Variants in CCSER1 observed in about 807,000 individuals in gnomAD.
CCSER1 encodes the protein serine-rich coiled-coil domain-containing protein 1.
In CCSER1, 41 loss-of-function variants were observed where a neutral mutation model predicts 82.0. That is an observed-to-expected ratio of 0.50 (90% confidence interval 0.39 to 0.65). The LOEUF is 0.65. Among genes scored for constraint, CCSER1 ranks in the 30% least tolerant of loss-of-function variants. CCSER1 has a pLI of 0.00. For missense variants in CCSER1, 1,119 were observed against 1,064.2 expected, an observed-to-expected ratio of 1.05 and a Z score of -0.72; for synonymous variants, 414 against 383.9, an observed-to-expected ratio of 1.08 and a Z score of -0.92.
chr4:90,191,429 A>T (rs571933431), intron 1 of CCSER1, among the ~76,000 whole-genome samples: 1 of 152,106 alleles, frequency 6.6e-6, no homozygotes, highest in East Asian at 1.9e-4. Flanking sequence ...GTTGGTCAAG[A>T]TCATGTAATT....
At chr4:90,735,851 A>G (rs970451176) in intron 7 of CCSER1, among the ~76,000 whole-genome samples, 2 of 152,036 alleles carry the variant, frequency 1.3e-5, no homozygotes, top group African/African-American at 4.8e-5. Context: ...ATAACTATAA[A>G]TTTCCCTCTT....
chr4:90,645,522 C>A (rs1025063508), intron 6 of CCSER1, among the ~76,000 whole-genome samples: 9 of 152,222 alleles, frequency 5.9e-5, no homozygotes, highest in Non-Finnish European at 1.0e-4. Context: ...CAACTTAAAA[C>A]ATTATTTTAA....
At chr4:90,137,417 G>T (rs1382574269) in intron 1 of CCSER1, among the ~76,000 whole-genome samples, 1 of 152,086 alleles carries the variant, frequency 6.6e-6, no homozygotes, top group Non-Finnish European at 1.5e-5. Context: ...TGATTATCGG[G>T]ACAATATAGT....
chr4:91,439,998 TC>T (rs1374216687), intron 10 of CCSER1, among the ~76,000 whole-genome samples: 1 of 151,566 alleles, frequency 6.6e-6, no homozygotes, highest in Non-Finnish European at 1.5e-5. Flanking sequence ...AGACTTAGAC[TC>T]CCACGCAATA....
intron 10 of CCSER1, among the ~76,000 whole-genome samples, chr4:91,151,959 G>GGATGGA (rs1180349122): frequency 6.6e-6 from 1 of 152,172 alleles, no homozygotes; most frequent in African/African-American, 2.4e-5. Context: ...TGTTGATTTG[G>GGATGGA]GATGGAGAGT....
chr4:91,211,190 C>T (rs978451442), intron 10 of CCSER1, among the ~76,000 whole-genome samples: 1 of 151,996 alleles, frequency 6.6e-6, no homozygotes. Context: ...AACCAAGAGA[C>T]AAATTGAGAT....
intron 10 of CCSER1, among the ~76,000 whole-genome samples, chr4:91,573,399 G>T (rs1456249347): frequency 2.0e-5 from 3 of 152,216 alleles, no homozygotes; most frequent in African/African-American, 7.2e-5. Flanking sequence ...TATACACAGG[G>T]GTGTAACCTC....
intron 10 of CCSER1, among the ~76,000 whole-genome samples, chr4:91,245,047 G>C (rs1160377043): frequency 1.3e-5 from 2 of 151,912 alleles, no homozygotes; most frequent in Non-Finnish European, 2.9e-5. Context: ...GCAGAAGAAA[G>C]AATTCGTGAG....
At chr4:90,528,899 C>T (rs1257179808) in intron 5 of CCSER1, among the ~76,000 whole-genome samples, 1 of 152,152 alleles carries the variant, frequency 6.6e-6, no homozygotes, top group Admixed American at 6.5e-5. Flanking sequence ...CCTTATCTCA[C>T]TGGTTAATGG....
chr4:90,234,962 C>T (rs1272341174), intron 1 of CCSER1: 3 of 152,132 alleles, frequency 2.0e-5, no homozygotes, highest in East Asian at 1.9e-4. Flanking sequence ...CACTGGGAGA[C>T]GAAAGTGCTG....
At chr4:90,460,228 G>A (rs1482594800) in intron 4 of CCSER1, among the ~76,000 whole-genome samples, 1 of 144,444 alleles carries the variant, frequency 6.9e-6, no homozygotes, top group Non-Finnish European at 1.5e-5. Context: ...AGGAGGCTGA[G>A]GCAGGAGAAT....
chr4:91,360,040 G>A lies in CCSER1; in HGVS notation c.2218-238532G>A, dbSNP rs375259602. On this transcript the variant is annotated intron_variant, in intron 10 of 10. Transcript: ENST00000509176. Reference sequence around the variant, plus strand: ...AAAGCTGAGATTCAAACTCAGTTGCGTCTCATCCCACAATCCAAGCTATTT... The same window carrying A: ...AAAGCTGAGATTCAAACTCAGTTGCATCTCATCCCACAATCCAAGCTATTT... Among the ~76,000 whole-genome samples the A allele has an allele frequency of 1.9e-3, 285 of 151,902 alleles. 3 individuals are homozygous for A. The highest frequency in any genetic ancestry group is 5.2e-3 in the African/African-American group (216 of 41,480).
chr4:91,041,111 TGTA>T (rs1741920775), intron 9 of CCSER1, among the ~76,000 whole-genome samples: 1 of 152,172 alleles, frequency 6.6e-6, no homozygotes, highest in African/African-American at 2.4e-5. Flanking sequence ...AGACTAAAAA[TGTA>T]GTATCAGGTG....
chr4:91,513,539 A>G (rs1759941254), intron 10 of CCSER1, among the ~76,000 whole-genome samples: 1 of 152,168 alleles, frequency 6.6e-6, no homozygotes. Context: ...TAGGATCAGT[A>G]ACAGCTCTTA....
chr4:91,069,374 A>T lies in CCSER1; in HGVS notation c.2173-16576A>T, dbSNP rs376623261. 3.9e-5 allele frequency among the ~76,000 whole-genome samples: 6 copies of T among 152,164 alleles called. No individual in the cohort carries two copies. The East Asian group carries it at 1.2e-3, about 29-fold the overall frequency. The stretch of plus-strand genomic sequence containing the variant: ...ATTTCACTTTTTTTTTTCTGAATGA[A>T]TTTGAATGGTTAATATTATACTCAA... On this transcript the variant is annotated intron_variant, in intron 9 of 10. Transcript: ENST00000509176.
At chr4:90,633,545 G>C (rs1724856273) in intron 6 of CCSER1, among the ~76,000 whole-genome samples, 1 of 151,908 alleles carries the variant, frequency 6.6e-6, no homozygotes, top group Non-Finnish European at 1.5e-5. Flanking sequence ...GAAAGGCCTA[G>C]AGGTTTAGAG....
intron 4 of CCSER1, among the ~76,000 whole-genome samples, chr4:90,433,748 C>A (rs1175335333): frequency 6.6e-6 from 1 of 151,918 alleles, no homozygotes; most frequent in Non-Finnish European, 1.5e-5. Flanking sequence ...GGTTTTCTAT[C>A]TTTTCTTCTA....
At chr4:91,097,203 A>T (rs528118288) in intron 10 of CCSER1, among the ~76,000 whole-genome samples, 1 of 152,342 alleles carries the variant, frequency 6.6e-6, no homozygotes, top group East Asian at 1.9e-4. Context: ...GTGACTTTAT[A>T]TCATGATGAA....
At chr4:90,526,309 C>G (rs1004004185) in intron 5 of CCSER1, among the ~76,000 whole-genome samples, 2 of 152,100 alleles carry the variant, frequency 1.3e-5, no homozygotes, top group East Asian at 3.9e-4. Context: ...CGAATCATAA[C>G]TCCAAAGTTT....
Sources: allele counts gnomAD v4.1 joint callset (sites outside exome capture counted in the v4.1 genomes callset), GRCh38; gene constraint gnomAD v4.1.1; transcripts MANE v1.5; gene names NCBI Gene and HGNC (gene_info 2026-07-23, HGNC 2026-07-21).